Variants in CAMK2D observed in about 807,000 individuals in gnomAD.
CAMK2D encodes the protein calcium/calmodulin-dependent protein kinase type II subunit delta.
In CAMK2D, 37 loss-of-function variants were observed where a neutral mutation model predicts 84.0. That is an observed-to-expected ratio of 0.44 (90% CI 0.34 to 0.58). The LOEUF is 0.58. CAMK2D is among the 20% of genes least tolerant of loss of function. The pLI is 0.02. For synonymous variants in CAMK2D, 202 were observed against 212.5 expected (o/e 0.95, Z 0.43); for missense variants, 448 against 652.5 (o/e 0.69, Z 3.41).
intron 3 of CAMK2D, among the ~76,000 whole-genome samples, chr4:113,623,152 A>T (rs555128682): frequency 6.6e-6 from 1 of 152,306 alleles, no homozygotes; most frequent in East Asian, 1.9e-4. Context: ...GTAAAGCAAT[A>T]ACCAGTTTAG....
At chr4:113,622,688 C>T (rs2099051261) in intron 3 of CAMK2D, among the ~76,000 whole-genome samples, 1 of 152,164 alleles carries the variant, frequency 6.6e-6, no homozygotes, top group African/African-American at 2.4e-5. Context: ...TGTTTGAGCT[C>T]AGGAGCTCAA....
chr4:113,684,100 T>C (rs1463767572), intron 2 of CAMK2D, among the ~76,000 whole-genome samples: 1 of 152,222 alleles, frequency 6.6e-6, no homozygotes, highest in African/African-American at 2.4e-5. Flanking sequence ...AAGACAAAAC[T>C]GCTGGCTATG....
chr4:113,503,250 C>G (rs867916478), intron 14 of CAMK2D: 2 of 663,006 alleles, frequency 3.0e-6, no homozygotes, highest in Middle Eastern at 2.6e-4. Flanking sequence ...ATTTAGAGAT[C>G]TGAAGAGGCA....
At chr4:113,642,808 C>G (rs1393741649) in intron 3 of CAMK2D, among the ~76,000 whole-genome samples, 1 of 151,944 alleles carries the variant, frequency 6.6e-6, no homozygotes, top group Non-Finnish European at 1.5e-5. Flanking sequence ...AAGGGCAAAG[C>G]CTTCATGATC....
intron 4 of CAMK2D, among the ~76,000 whole-genome samples, chr4:113,558,238 A>G (rs1367766817): frequency 6.6e-6 from 1 of 152,250 alleles, no homozygotes; most frequent in African/African-American, 2.4e-5. Context: ...TGCTTCATCT[A>G]TCCAAGCTAA....
chr4:113,532,069 T>C (rs1283278627), intron 7 of CAMK2D, among the ~76,000 whole-genome samples: 2 of 152,160 alleles, frequency 1.3e-5, no homozygotes, highest in African/African-American at 4.8e-5. Context: ...ATAATGGAAT[T>C]TCTCCAACCA....
intron 4 of CAMK2D, among the ~76,000 whole-genome samples, chr4:113,565,650 C>CA (rs1299833681): frequency 0.14 from 11,100 of 80,318 alleles, 886 homozygotes; most frequent in East Asian, 0.41. Context: ...GACTCTGTCT[C>CA]AAAAAAAAAA....
chr4:113,741,912 C>A (rs1467692787), intron 2 of CAMK2D, among the ~76,000 whole-genome samples: 1 of 152,182 alleles, frequency 6.6e-6, no homozygotes, highest in Non-Finnish European at 1.5e-5. Context: ...CGTATTTTCT[C>A]ACGGTTTGCT....
At chr4:113,500,615 G>T in intron 15 of CAMK2D, 104 bp from the exon 16 acceptor site, 1 of 660,668 alleles carries the variant, frequency 1.5e-6, no homozygotes, top group Non-Finnish European at 2.7e-6. Flanking sequence ...TTCTTCAGCA[G>T]GCTATGTGCA....
At chr4:113,567,989 T>G (rs1003684906) in intron 4 of CAMK2D, among the ~76,000 whole-genome samples, 1 of 152,356 alleles carries the variant, frequency 6.6e-6, no homozygotes, top group East Asian at 1.9e-4. Flanking sequence ...TAACAATAGC[T>G]TGATACTTAA....
Position 113,623,162 on chromosome 4 carries a change from G to A in CAMK2D, c.221-13956C>T, listed in dbSNP as rs141083642. ...TGCCTGTAAAGCAATAACCAGTTTA[G>A]TTTTATGGCAATTACATCCTAGCAT... On this transcript the variant is annotated intron_variant, in intron 3 of 20. Coordinates refer to ENST00000511664, the MANE Select transcript of CAMK2D (RefSeq NM_001321571.2). Among the ~76,000 whole-genome samples the A allele has an allele frequency of 1.8e-4, 27 of 152,198 alleles. No homozygotes were observed. The East Asian group carries it at 5.0e-3, about 28-fold the overall frequency.
At chr4:113,605,769 G>A (rs964103449) in intron 4 of CAMK2D, among the ~76,000 whole-genome samples, 4 of 152,138 alleles carry the variant, frequency 2.6e-5, no homozygotes, top group Non-Finnish European at 4.4e-5. Flanking sequence ...TGTCGGTGGA[G>A]GCTGTGGGGG....
chr4:113,673,880 G>C (rs930320864), intron 2 of CAMK2D, among the ~76,000 whole-genome samples: 4 of 152,238 alleles, frequency 2.6e-5, no homozygotes, highest in Non-Finnish European at 5.9e-5. Flanking sequence ...GCAAAGCTCT[G>C]AGATCTAACC....
intron 16 of CAMK2D, among the ~76,000 whole-genome samples, chr4:113,466,828 T>C (rs1374874644): frequency 2.0e-5 from 3 of 152,260 alleles, no homozygotes; most frequent in Non-Finnish European, 2.9e-5. Flanking sequence ...ATTATGCATA[T>C]GCTATCTCTT....
chr4:113,483,435 T>G (rs1276491888), intron 16 of CAMK2D, among the ~76,000 whole-genome samples: 12 of 152,098 alleles, frequency 7.9e-5, no homozygotes, highest in Non-Finnish European at 7.4e-5. Flanking sequence ...GACAGAGTTT[T>G]GCTTTTGTCG....
intron 3 of CAMK2D, among the ~76,000 whole-genome samples, chr4:113,626,904 C>A: frequency 6.6e-6 from 1 of 152,146 alleles, no homozygotes; most frequent in East Asian, 1.9e-4. Context: ...TATGATGAAT[C>A]AGGCTCATAT....
chr4:113,752,005 ATGAC>A (rs1237097202), intron 2 of CAMK2D, among the ~76,000 whole-genome samples: 1 of 152,072 alleles, frequency 6.6e-6, no homozygotes, highest in Non-Finnish European at 1.5e-5. Flanking sequence ...TATTCCATGA[ATGAC>A]TGGCCCACTG....
At chr4:113,612,030 A>C (rs1298220039) in intron 3 of CAMK2D, among the ~76,000 whole-genome samples, 1 of 151,718 alleles carries the variant, frequency 6.6e-6, no homozygotes, top group Admixed American at 6.6e-5. Flanking sequence ...CCACTCTCTT[A>C]TTTTAAATAA....
In CAMK2D at chr4:113,470,130, G is replaced by A. The variant is rs75928312; in HGVS notation, c.1136-4526C>T. On this transcript the variant is annotated intron_variant, in intron 16 of 20. Transcript: ENST00000511664. ...CTGAAGAGAGACTACAAAACCTTGC[G>A]TAATCTGGACTCTGCCCATCTCATT... Among the ~76,000 whole-genome samples, 146 of 151,918 alleles carry A rather than the reference G, an allele frequency of 9.6e-4. 1 individual carries two copies. Among genetic ancestry groups the A allele is most frequent in the South Asian group, 1.9e-3 (9 of 4,804 alleles).
Sources: allele counts gnomAD v4.1 joint callset (sites outside exome capture counted in the v4.1 genomes callset), GRCh38; gene constraint gnomAD v4.1.1; transcripts MANE v1.5; gene names NCBI Gene and HGNC (gene_info 2026-07-23, HGNC 2026-07-21).